Variants in PSMF1 observed in about 807,000 individuals in gnomAD.
PSMF1 encodes the protein proteasome inhibitor subunit 1.
Under a neutral mutation model 29.3 loss-of-function variants are expected in PSMF1, and 30 were observed. That is an observed-to-expected ratio of 1.02 (90% CI 0.77 to 1.39). The LOEUF (loss-of-function observed/expected upper bound fraction) is 1.39. Among genes scored for constraint, PSMF1 ranks in the 40% most tolerant of loss-of-function variants. The pLI is 0.00. For synonymous variants in PSMF1, 134 were observed against 139.7 expected (o/e 0.96, Z 0.29); for missense variants, 344 against 357.5 (o/e 0.96, Z 0.31).
chr20:1,133,555 G>GTGTGTATATATATATATATA (rs60728448), intron 3 of PSMF1, among the ~76,000 whole-genome samples: 1,082 of 53,420 alleles, frequency 0.02, 30 homozygotes, highest in Non-Finnish European at 0.027. Context: ...CTATATATGT[G>GTGTGTATATATATATATATA]TATATATATA....
intron 3 of PSMF1, among the ~76,000 whole-genome samples, chr20:1,134,144 C>T (rs1029035647): frequency 2.9e-4 from 44 of 151,418 alleles, no homozygotes; most frequent in African/African-American, 1.0e-3. Flanking sequence ...TTAATTTGCT[C>T]TTCTTTTTCT....
In PSMF1 at chr20:1,125,526, T is replaced by G. The variant is rs1437434375; in HGVS notation, c.158T>G (p.Leu53Arg). The G allele has an allele frequency of 1.2e-6, 2 of 1,612,652 alleles. No homozygotes were observed. Among genetic ancestry groups the G allele is most frequent in the African/African-American group, 2.7e-5 (2 of 74,882 alleles). The change falls in exon 2 of 7, where the codon CTG becomes CGG. Residue 53 changes from leucine (L) to arginine (R), a missense_variant. Transcript: ENST00000335877. ...QPGPNDKKSE[L>R]LPAGWNNNKD... ...GGTCCCAATGATAAGAAGTCAGAACTGCTGCCAGCTGGGTGGAACAACAAT... is the reference window on the plus strand; with the variant it reads ...GGTCCCAATGATAAGAAGTCAGAACGGCTGCCAGCTGGGTGGAACAACAAT...
chr20:1,145,075 G>A (rs1390840016), intron 4 of PSMF1, among the ~76,000 whole-genome samples: 1 of 152,060 alleles, frequency 6.6e-6, no homozygotes, highest in Non-Finnish European at 1.5e-5. Context: ...TAGTAGAGAC[G>A]AGGTTTCACC....
At chr20:1,142,294 A>C (rs2086391940) in intron 4 of PSMF1, among the ~76,000 whole-genome samples, 1 of 152,158 alleles carries the variant, frequency 6.6e-6, no homozygotes, top group Admixed American at 6.5e-5. Context: ...TTATACTTCA[A>C]GTTTTAGGGT....
intron 4 of PSMF1, among the ~76,000 whole-genome samples, chr20:1,139,628 C>G (rs2086355540): frequency 6.6e-6 from 1 of 151,794 alleles, no homozygotes; most frequent in South Asian, 2.1e-4. Context: ...GCTTGTAGTC[C>G]CAGCTACTCA....
Position 1,135,165 on chromosome 20 carries a change from G to T in PSMF1, c.410G>T (p.Gly137Val). ...SEELRSRIVS[G>V]IITPIHEQWE... ...GAGCTTCGGTCTCGTATTGTGTCTG[G>T]AATCATCACACCTATCCATGAGCAG... Residue 137 changes from glycine (G) to valine (V), a missense_variant, in exon 4 of 7, where the codon GGA (glycine) becomes GTA (valine). Physicochemically the swap from Gly to Val is moderately radical, Grantham distance 109. Transcript: ENST00000335877. 1 of 1,614,154 alleles carries T rather than the reference G, an allele frequency of 6.2e-7. No individual in the cohort carries two copies. Among genetic ancestry groups the T allele is most frequent in the African/African-American group, 1.3e-5 (1 of 75,036 alleles).
At chr20:1,159,919 T>C (rs993430785) in intron 4 of PSMF1, among the ~76,000 whole-genome samples, 3 of 152,164 alleles carry the variant, frequency 2.0e-5, no homozygotes, top group Admixed American at 6.5e-5. Flanking sequence ...ACCTGTAAGC[T>C]TAGATTAGCT....
chr20:1,148,109 G>A (rs1232831878), intron 4 of PSMF1, among the ~76,000 whole-genome samples: 9 of 152,276 alleles, frequency 5.9e-5, no homozygotes, highest in South Asian at 4.2e-4. Context: ...GCCCTAGAGC[G>A]TAAAGAGACT....
chr20:1,127,766 C>G (rs1390390135), intron 3 of PSMF1, among the ~76,000 whole-genome samples: 4 of 152,098 alleles, frequency 2.6e-5, no homozygotes, highest in Non-Finnish European at 5.9e-5. Context: ...GAGGTGGAGC[C>G]CGGGCAACTC....
chr20:1,137,620 TG>T (rs1208955552), intron 4 of PSMF1, among the ~76,000 whole-genome samples: 1 of 20,636 alleles, frequency 4.8e-5, no homozygotes, highest in Non-Finnish European at 1.1e-4. Flanking sequence ...ATTAATCGCA[TG>T]GGGAGAAAAG....
chr20:1,162,039 T>C (rs921761364), intron 4 of PSMF1, among the ~76,000 whole-genome samples: 2 of 152,324 alleles, frequency 1.3e-5, no homozygotes, highest in African/African-American at 4.8e-5. Flanking sequence ...TCTGTGTGGC[T>C]GGCAGTCTCC....
At position 1,166,148 on chromosome 20, in the gene PSMF1, G is replaced by C; in HGVS notation, c.*1068G>C. 1 of 1,582,134 alleles carries C rather than the reference G, an allele frequency of 6.3e-7. No homozygotes were observed. The highest frequency in any genetic ancestry group is 8.6e-7 in the Non-Finnish European group (1 of 1,164,436). On this transcript the variant is annotated 3_prime_UTR_variant, in exon 7 of 7. Coordinates refer to ENST00000335877, the MANE Select transcript of PSMF1 (RefSeq NM_006814.5). ...ATGGGCTGCCTCTGAGTGTGGTGTT[G>C]AACTTCGGGAGGAGCAGGGAGCCCT...
intron 3 of PSMF1, among the ~76,000 whole-genome samples, chr20:1,132,161 T>C (rs1192088394): frequency 6.6e-6 from 1 of 152,244 alleles, no homozygotes. Flanking sequence ...TATTGATTAT[T>C]GTAGGCCTTA....
At chr20:1,114,034 G>C (rs776474217), upstream of PSMF1, among the ~76,000 whole-genome samples, 1 of 152,192 alleles carries the variant, frequency 6.6e-6, no homozygotes. Flanking sequence ...CCGGTCAGGG[G>C]TGTGGGAGGA....
chr20:1,132,051 C>G (rs1273915376), intron 3 of PSMF1, among the ~76,000 whole-genome samples: 1 of 152,156 alleles, frequency 6.6e-6, no homozygotes, highest in Non-Finnish European at 1.5e-5. Flanking sequence ...GAAACTTTGT[C>G]AAAAATCAGT....
chr20:1,141,048 C>T (rs1480560234), intron 4 of PSMF1, among the ~76,000 whole-genome samples: 2 of 152,148 alleles, frequency 1.3e-5, no homozygotes, highest in African/African-American at 2.4e-5. Context: ...ACCTTTAAAA[C>T]ATCACGTTAA....
At position 1,165,872 on chromosome 20, in the gene PSMF1, G is replaced by GC. The variant is rs2086723326; in HGVS notation, c.*794dup. The GC allele has an allele frequency of 3.4e-6, 4 of 1,169,374 alleles. No individual in the cohort carries two copies. The highest frequency in any genetic ancestry group is 4.3e-6 in the Non-Finnish European group (4 of 939,910). The allele number at this position is 1,169,374 out of a possible 1,614,324, so 72.4% of individuals were successfully genotyped here. ...AGACCTGAAGGCTAATCTTATTTTT[G>GC]CCACTAACTTAGTGAATGACCCTAA... On this transcript the variant is annotated 3_prime_UTR_variant, in exon 7 of 7. Transcript: ENST00000335877.
chr20:1,115,842 C>G (rs2086006109), upstream of PSMF1, among the ~76,000 whole-genome samples: 1 of 151,528 alleles, frequency 6.6e-6, no homozygotes, highest in Admixed American at 6.6e-5. Flanking sequence ...AAGCGATTCT[C>G]CTGCCTCAGC....
rs1302848577 is a variant in PSMF1 at position 1,163,840 on chromosome 20, C to T, written c.606-478C>T. ...TCAGGAGCCACACTTAGGCAATCTA[C>T]AGGCAGTCAGAAATTGCCCTGAGGC... On this transcript the variant is annotated intron_variant, in intron 5 of 6. Coordinates refer to ENST00000335877, the MANE Select transcript of PSMF1 (RefSeq NM_006814.5). This position sits in a 1 kb window ranked among gnomAD's most constrained non-coding sequence, Gnocchi z 6.1. Among the ~76,000 whole-genome samples the T allele has an allele frequency of 6.6e-6, 1 of 152,194 alleles. No homozygotes were observed. The highest frequency in any genetic ancestry group is 1.5e-5 in the Non-Finnish European group (1 of 68,034).
Sources: gnomAD v4.1 joint callset for allele counts (sites outside exome capture counted in the v4.1 genomes callset) on GRCh38, gnomAD v4.1.1 for gene constraint, Gnocchi (gnomAD v3.1) non-coding constraint, MANE v1.5 for transcripts, NCBI Gene and HGNC (gene_info 2026-07-23, HGNC 2026-07-21) for gene names.